Variants in RAB3C observed in about 807,000 individuals in gnomAD.
RAB3C encodes the protein ras-related protein Rab-3C.
Under a neutral mutation model 26.4 loss-of-function variants are expected in RAB3C, and 17 were observed. That is an observed-to-expected ratio of 0.64 (90% CI 0.44 to 0.97). The LOEUF is 0.97. Among genes scored for constraint, RAB3C ranks in the 50% least tolerant of loss-of-function variants. RAB3C has a pLI of 0.00. For synonymous variants in RAB3C, 91 were observed against 95.9 expected (o/e 0.95, Z 0.30); for missense variants, 242 against 281.9 (o/e 0.86, Z 1.01).
chr5:58,711,856 A>C (rs1749068262), intron 2 of RAB3C, among the ~76,000 whole-genome samples: 1 of 152,146 alleles, frequency 6.6e-6, no homozygotes, highest in South Asian at 2.1e-4. Context: ...CGGATACTAT[A>C]GTTTTAAAGA....
intron 2 of RAB3C, among the ~76,000 whole-genome samples, chr5:58,723,284 G>C (rs1326483274): frequency 2.0e-5 from 3 of 151,484 alleles, no homozygotes; most frequent in Non-Finnish European, 4.4e-5. Context: ...CTGCTATTTT[G>C]AGTGCTATAA....
intron 3 of RAB3C, among the ~76,000 whole-genome samples, chr5:58,737,814 G>A (rs1231263750): frequency 6.6e-6 from 1 of 152,000 alleles, no homozygotes; most frequent in African/African-American, 2.4e-5. Flanking sequence ...TGGAGGCACT[G>A]CCTGTTTTAC....
At chr5:58,772,503 G>T (rs1448555380) in intron 3 of RAB3C, among the ~76,000 whole-genome samples, 2 of 152,168 alleles carry the variant, frequency 1.3e-5, no homozygotes, top group African/African-American at 4.8e-5. Flanking sequence ...AGCTCTCTCA[G>T]ACCACTATGG....
intron 3 of RAB3C, among the ~76,000 whole-genome samples, chr5:58,757,929 T>TTGTTG (rs1554016847): frequency 1.5e-5 from 2 of 137,780 alleles, no homozygotes; most frequent in African/African-American, 2.7e-5. Context: ...TTTGTTGTTG[T>TTGTTG]TGTTGTTTTG....
Position 58,797,354 on chromosome 5 carries a change from ATATGTATATATATAATATAT to A in RAB3C, c.372-27683_372-27664del, listed in dbSNP as rs1338134633. Among the ~76,000 whole-genome samples, 152 of 58,204 alleles carry A rather than the reference ATATGTATATATATAATATAT, an allele frequency of 2.6e-3. 7 individuals carry two copies. Among genetic ancestry groups the A allele is most frequent in the African/African-American group, 6.3e-3 (84 of 13,306 alleles). The allele number at this position is 58,204 out of a possible 152,430, so 38.2% of individuals were successfully genotyped here. On this transcript the variant is annotated intron_variant, in intron 3 of 4. Transcript: ENST00000282878. ...CCCTGGAAGACAAAAAAAAAAAAAAATATGTATATATATAATATATATATATATATATATATATATATACA... is the reference window on the plus strand; with the variant it reads ...CCCTGGAAGACAAAAAAAAAAAAAAAATATATATATATATATATATATACA...
chr5:58,790,058 G>A lies in RAB3C; in HGVS notation c.372-34980G>A, dbSNP rs555148244. 6.6e-5 allele frequency among the ~76,000 whole-genome samples: 10 copies of A among 152,226 alleles called. No homozygotes were observed. The East Asian group carries it at 1.3e-3, about 21-fold the overall frequency. On this transcript the variant is annotated intron_variant, in intron 3 of 4. Transcript: ENST00000282878. ...GCCAAATAAGTATTTTCCCCTTAAC[G>A]GCCTCTCCTAAAGTCTAGACCCATT...
intron 3 of RAB3C, among the ~76,000 whole-genome samples, chr5:58,789,412 G>A (rs1742469613): frequency 6.6e-6 from 1 of 152,118 alleles, no homozygotes; most frequent in South Asian, 2.1e-4. Context: ...CATTATACAT[G>A]TGAACTGTGT....
intron 2 of RAB3C, among the ~76,000 whole-genome samples, chr5:58,632,826 C>G (rs959742640): frequency 1.3e-5 from 2 of 152,238 alleles, no homozygotes; most frequent in Non-Finnish European, 2.9e-5. Flanking sequence ...TGACTGAATA[C>G]AGTCCCACTT....
intron 3 of RAB3C, among the ~76,000 whole-genome samples, chr5:58,795,732 C>A (rs1364479429): frequency 6.6e-6 from 1 of 152,066 alleles, no homozygotes; most frequent in Non-Finnish European, 1.5e-5. Context: ...CATTAAACAG[C>A]AGCACACTCA....
chr5:58,765,364 G>A (rs1741878375), intron 3 of RAB3C, among the ~76,000 whole-genome samples: 1 of 152,120 alleles, frequency 6.6e-6, no homozygotes, highest in South Asian at 2.1e-4. Flanking sequence ...AAACAGTCAT[G>A]TAATGAGTCC....
At chr5:58,804,580 C>T (rs2112031105) in intron 3 of RAB3C, among the ~76,000 whole-genome samples, 1 of 152,228 alleles carries the variant, frequency 6.6e-6, no homozygotes, top group East Asian at 1.9e-4. Flanking sequence ...ATTTGCAATA[C>T]AGGCAAGTTT....
intron 2 of RAB3C, among the ~76,000 whole-genome samples, chr5:58,650,837 G>A (rs1747630060): frequency 6.6e-6 from 1 of 152,124 alleles, no homozygotes; most frequent in Admixed American, 6.5e-5. Context: ...CAACATTCTT[G>A]TACATTCCGG....
intron 4 of RAB3C, among the ~76,000 whole-genome samples, chr5:58,828,002 C>T (rs1743528248): frequency 6.6e-6 from 1 of 152,166 alleles, no homozygotes; most frequent in Admixed American, 6.5e-5. Context: ...ACTGCTTTAT[C>T]GATCTGGTAG....
At chr5:58,639,303 C>G (rs35982910) in intron 2 of RAB3C, among the ~76,000 whole-genome samples, 15,831 of 152,136 alleles carry the variant, frequency 0.1, 921 homozygotes, top group Middle Eastern at 0.2. Flanking sequence ...TTTACATTGT[C>G]TTTTTCTTCT....
chr5:58,709,129 T>A (rs541216815), intron 2 of RAB3C, among the ~76,000 whole-genome samples: 1 of 152,360 alleles, frequency 6.6e-6, no homozygotes, highest in Admixed American at 6.5e-5. Context: ...TTTCTCTGCC[T>A]TAGCAGAGAA....
chr5:58,784,117 C>G (rs183376339), intron 3 of RAB3C, among the ~76,000 whole-genome samples: 1 of 152,192 alleles, frequency 6.6e-6, no homozygotes, highest in East Asian at 1.9e-4. Context: ...CCACCTTCCC[C>G]TCTCCTGTTT....
At chr5:58,779,781 A>T (rs1033811479) in intron 3 of RAB3C, among the ~76,000 whole-genome samples, 3 of 152,128 alleles carry the variant, frequency 2.0e-5, no homozygotes, top group Admixed American at 2.0e-4. Context: ...CTTCCTAATT[A>T]TACAATGTGT....
rs547660342 is a variant in RAB3C, at chr5:58,624,783, T to C, written c.252+6913T>C. Among the ~76,000 whole-genome samples, 19 of 152,268 alleles carry C rather than the reference T, an allele frequency of 1.2e-4. No individual in the cohort carries two copies. In the South Asian group the frequency reaches 3.7e-3, roughly 30 times the overall value. On this transcript the variant is annotated intron_variant, in intron 2 of 4. Coordinates refer to ENST00000282878, the MANE Select transcript of RAB3C (RefSeq NM_138453.4). ...GAGGCATCGGGGCAGGAGACTGGATTTGAGACCTCTCTGTGTAACCTTGGG... is the reference window on the plus strand; with the variant it reads ...GAGGCATCGGGGCAGGAGACTGGATCTGAGACCTCTCTGTGTAACCTTGGG...
At chr5:58,627,515 A>AAAAAAAAAAAACAAAAAC (rs1325212744) in intron 2 of RAB3C, among the ~76,000 whole-genome samples, 1 of 60,558 alleles carries the variant, frequency 1.7e-5, no homozygotes, top group Non-Finnish European at 3.3e-5. Context: ...AAAAAAAAAA[A>AAAAAAAAAAAACAAAAAC]AAAACACAGC....
Sources: allele counts gnomAD v4.1 joint callset (sites outside exome capture counted in the v4.1 genomes callset), GRCh38; gene constraint gnomAD v4.1.1; transcripts MANE v1.5; gene names NCBI Gene and HGNC (gene_info 2026-07-23, HGNC 2026-07-21).